Variants in ANO9 observed in about 807,000 individuals in gnomAD.
ANO9 encodes anoctamin-9.
Under a neutral mutation model 100.5 loss-of-function variants are expected in ANO9, and 80 were observed. That is an observed-to-expected ratio of 0.80 (90% CI 0.66 to 0.96). The LOEUF (loss-of-function observed/expected upper bound fraction) is 0.96, where lower values mean the gene tolerates loss of function less well. Among genes scored for constraint, ANO9 ranks in the 40% least tolerant of loss-of-function variants. The pLI, the probability that ANO9 is intolerant of heterozygous loss-of-function variation, is 0.00. For synonymous variants in ANO9, 473 were observed against 435.6 expected, an observed-to-expected ratio of 1.09 and a Z score of -1.07; for missense variants, 1,064 against 1,072.7, an observed-to-expected ratio of 0.99 and a Z score of 0.11.
At chr11:440,107 TGGGACTCAGCAGTCAGCACCTCCCA>T (rs1245326437) in intron 1 of ANO9, among the ~76,000 whole-genome samples, 1 of 152,068 alleles carries the variant, frequency 6.6e-6, no homozygotes, top group Non-Finnish European at 1.5e-5. Flanking sequence ...AGTTGGTGTC[TGGGACTCAGCAGTCAGCACCTCCCA>T]GGGACTCAGC....
intron 15 of ANO9, among the ~76,000 whole-genome samples, chr11:425,792 C>T (rs917750228): frequency 6.6e-6 from 1 of 151,818 alleles, no homozygotes; most frequent in African/African-American, 2.4e-5. Flanking sequence ...AGTGCAGTGG[C>T]GCGATCTCAG....
intron 1 of ANO9, among the ~76,000 whole-genome samples, chr11:439,087 A>G (rs1845627041): frequency 6.6e-6 from 1 of 152,026 alleles, no homozygotes; most frequent in Non-Finnish European, 1.5e-5. Flanking sequence ...GGGTGTCCTC[A>G]CCCCAGCCCC....
rs201816433 is a variant in ANO9 at position 432,063 on chromosome 11, C to T, written c.351-9G>A. On this transcript the variant is annotated splice_polypyrimidine_tract_variant and intron_variant, in intron 4 of 22. Transcript: ENST00000332826. The surrounding 1 kb of genome is among the most constrained non-coding windows in gnomAD (Gnocchi z 4.8). Reference sequence around the variant, plus strand: ...CGATTCGGATTCTGAGACTCAAGAGCCAGAGCAGGGTGGCCCCGTGTGACC... The same window carrying T: ...CGATTCGGATTCTGAGACTCAAGAGTCAGAGCAGGGTGGCCCCGTGTGACC... The T allele has an allele frequency of 7.4e-5, 120 of 1,612,712 alleles. No individual in the cohort carries two copies. In the African/African-American group the frequency reaches 1.5e-3, roughly 21 times the overall value.
chr11:428,418 G>A (rs1290024284), intron 13 of ANO9, 24 bp from the exon 14 acceptor site: 2 of 1,612,622 alleles, frequency 1.2e-6, no homozygotes, highest in Admixed American at 1.7e-5. Flanking sequence ...CACCGAATGG[G>A]CTCACTGGGG....
intron 1 of ANO9, among the ~76,000 whole-genome samples, chr11:435,931 A>G (rs1220091073): frequency 3.3e-5 from 5 of 150,738 alleles, no homozygotes; most frequent in East Asian, 1.9e-4. Flanking sequence ...CTAGTCTAGT[A>G]TAGCATAGCA....
chr11:434,157 T>A, intron 1 of ANO9, 59 bp from the exon 2 acceptor site: 2 of 1,520,742 alleles, frequency 1.3e-6, no homozygotes, highest in Non-Finnish European at 1.8e-6. Context: ...TAGATGCCCC[T>A]CATTGGCGGG....
chr11:428,042 C>T (rs753064219), intron 15 of ANO9, 46 bp downstream of exon 15: 3 of 1,292,970 alleles, frequency 2.3e-6, no homozygotes, highest in South Asian at 1.3e-5. Context: ...GGCAGTGGAA[C>T]AAGCCCTCGT....
In ANO9 at chr11:421,207, G is replaced by C; in HGVS notation, c.1335-9C>G. ...CGGGGTGGCCGTTGATCCTGGGGAG[G>C]AAGGGGAAGTCTGGGGCACTGCGGG... On this transcript the variant is annotated splice_polypyrimidine_tract_variant and intron_variant, in intron 15 of 22. Transcript: ENST00000332826. This position sits in a 1 kb window ranked among gnomAD's most constrained non-coding sequence, Gnocchi z 6.8. 6.5e-7 allele frequency: 1 copy of C among 1,536,588 alleles called. No individual in the cohort carries two copies. Among genetic ancestry groups the C allele is most frequent in the Middle Eastern group, 1.8e-4 (1 of 5,516 alleles).
chr11:428,112 A>T lies in ANO9; in HGVS notation c.1310T>A (p.Ile437Asn). 6.2e-7 allele frequency: 1 copy of T among 1,609,964 alleles called. No homozygotes were observed. Among genetic ancestry groups the T allele is most frequent in the Non-Finnish European group, 8.5e-7 (1 of 1,179,342 alleles). ...LQFFTHFSSL[I>N]YIAFILGRIN... ...CCTGCCCAGGATGAAGGCGATGTAG[A>T]TGAGAGACGAGAAATGGGTGAAGAA... Residue 437 changes from isoleucine (I) to asparagine (N), a missense_variant, in exon 15 of 23, where the codon ATC becomes AAC. Ile to Asn is a moderately radical substitution (Grantham distance 149). Transcript: ENST00000332826.
At chr11:419,809 C>T (rs866279196) in intron 19 of ANO9, 80 bp from the exon 20 acceptor site, 19 of 1,556,024 alleles carry the variant, frequency 1.2e-5, no homozygotes, top group South Asian at 8.5e-5. Flanking sequence ...CCGGCCAACA[C>T]GGGGCCTGCC....
chr11:427,082 C>T (rs146060317), intron 15 of ANO9, among the ~76,000 whole-genome samples: 11 of 152,272 alleles, frequency 7.2e-5, no homozygotes, highest in East Asian at 1.9e-4. Context: ...TTTCCCAAGA[C>T]GGATGGGGGT....
At position 420,154 on chromosome 11, in the gene ANO9, G is replaced by A. The variant is rs1848084139; in HGVS notation, c.1786+309C>T. 2.9e-6 allele frequency: 4 copies of A among 1,361,000 alleles called. No homozygotes were observed. The South Asian group carries it at 6.3e-5, about 22-fold the overall frequency. 84.3% of individuals were successfully genotyped at this position (1,361,000 alleles called of 1,614,324 possible). A position where few individuals can be genotyped will look rare whatever the true frequency, so the allele number is the denominator to read the frequency against. ...TCCGTCTCAGCGTGGCCAGTCTTGG[G>A]ACAGAGGCCGGCTGCTCTGTTCCAG... On this transcript the variant is annotated intron_variant, in intron 19 of 22. Coordinates refer to ENST00000332826, the MANE Select transcript of ANO9 (RefSeq NM_001012302.3).
At chr11:429,857 A>T in intron 9 of ANO9, 39 bp from the exon 10 acceptor site, 1 of 1,312,206 alleles carries the variant, frequency 7.6e-7, no homozygotes, top group Non-Finnish European at 1.0e-6. Flanking sequence ...GAGGTGGGTG[A>T]GCTGGGGAGG....
At position 434,178 on chromosome 11, in the gene ANO9, G is replaced by A. The variant is rs544498780; in HGVS notation, c.7-80C>T. 3.6e-5 allele frequency: 53 copies of A among 1,469,138 alleles called. No individual in the cohort carries two copies. In the East Asian group the frequency reaches 7.2e-4, roughly 20 times the overall value. 91.0% of individuals were successfully genotyped at this position (1,469,138 alleles called of 1,614,324 possible). A position where few individuals can be genotyped will look rare whatever the true frequency, so the allele number is the denominator to read the frequency against. ...CCCCTCATTGGCGGGTCCCTGCAGC[G>A]GACCACATGGTCACACACCGTCCCT... is the stretch of plus-strand genomic sequence containing the variant. On this transcript the variant is annotated intron_variant, in intron 1 of 22. Transcript: ENST00000332826.
chr11:420,705 A>G lies in ANO9; in HGVS notation c.1633+13T>C, dbSNP rs1372349324. On this transcript the variant is annotated intron_variant, in intron 18 of 22. Coordinates refer to ENST00000332826, the MANE Select transcript of ANO9 (RefSeq NM_001012302.3). ...TCGTCTCCGCGAACCCCCGCCCCGC[A>G]GCGCCCACGCACTCATCTCCATGAA... 5 of 1,604,566 alleles carry G rather than the reference A, an allele frequency of 3.1e-6. No individual in the cohort carries two copies. Among genetic ancestry groups the G allele is most frequent in the Admixed American group, 1.7e-5 (1 of 59,646 alleles).
rs776650801 is a variant in ANO9, at chr11:419,705, G to A, written c.1811C>T (p.Thr604Ile). 13 of 1,603,950 alleles carry A rather than the reference G, an allele frequency of 8.1e-6. No homozygotes were observed. The South Asian group carries it at 9.9e-5, about 12-fold the overall frequency. The change falls in exon 20 of 23, where the codon ACC (threonine) becomes ATC (isoleucine). Residue 604 changes from threonine to isoleucine, a missense_variant. Transcript: ENST00000332826. Reference protein sequence around the residue: ...DIGTWLQVLETIGVLAVIANG... With the variant: ...DIGTWLQVLEIIGVLAVIANG... Reference sequence around the variant, plus strand: ...GGCAATGACCGCCAGCACACCGATGGTCTCCAGCACCTGCAGCCAGGTCCC... The same window carrying A: ...GGCAATGACCGCCAGCACACCGATGATCTCCAGCACCTGCAGCCAGGTCCC...
chr11:428,025 C>CTTCAT (rs1191722722), intron 15 of ANO9, 63 bp downstream of exon 15: 1 of 1,338,906 alleles, frequency 7.5e-7, no homozygotes, highest in African/African-American at 1.5e-5. Context: ...GACATTGCCA[C>CTTCAT]TTTAAAGGCA....
intron 3 of ANO9, among the ~76,000 whole-genome samples, 164 bp from the exon 4 acceptor site, chr11:433,623 G>A (rs891984283): frequency 5.4e-5 from 8 of 147,720 alleles, no homozygotes; most frequent in African/African-American, 7.6e-5. Flanking sequence ...GAGCTGCCTC[G>A]CTCCCCACGC....
At chr11:419,437 G>A in intron 20 of ANO9, 145 bp downstream of exon 20, 1 of 1,436,588 alleles carries the variant, frequency 7.0e-7, no homozygotes, top group Admixed American at 2.8e-5. Flanking sequence ...CAGGGCAGGG[G>A]CCACCCCCAG....
Sources: gnomAD v4.1 joint callset for allele counts (sites outside exome capture counted in the v4.1 genomes callset) on GRCh38, gnomAD v4.1.1 for gene constraint, Gnocchi (gnomAD v3.1) non-coding constraint, MANE v1.5 for transcripts, NCBI Gene and HGNC (gene_info 2026-07-23, HGNC 2026-07-21) for gene names.